NBEA: variants seen among roughly 807,000 people sequenced by gnomAD.
NBEA encodes the protein lysosomal-trafficking regulator 2.
In NBEA, 44 loss-of-function variants were observed where a neutral mutation model predicts 343.4. The observed-to-expected ratio is 0.13, with a 90% CI of 0.10 to 0.16. The LOEUF (loss-of-function observed/expected upper bound fraction) is 0.16, where lower values mean the gene tolerates loss of function less well. NBEA is among the 10% of genes least tolerant of loss of function. The pLI, the probability that NBEA is intolerant of heterozygous loss-of-function variation, is 1.00. For missense variants in NBEA, 2,555 were observed against 3,631.3 expected (o/e 0.70, Z 7.62); for synonymous variants, 1,175 against 1,238.7 (o/e 0.95, Z 1.08).
At chr13:35,388,864 A>G (rs756244157) in intron 38 of NBEA, among the ~76,000 whole-genome samples, 1 of 152,110 alleles carries the variant, frequency 6.6e-6, no homozygotes, top group Non-Finnish European at 1.5e-5. Context: ...TCATAATTCT[A>G]TTTATTCCCA....
At chr13:35,000,259 A>G (rs938923203) in intron 1 of NBEA, among the ~76,000 whole-genome samples, 4 of 152,146 alleles carry the variant, frequency 2.6e-5, no homozygotes, top group Non-Finnish European at 5.9e-5. Flanking sequence ...TACAGGATGT[A>G]ATGATGCACA....
At chr13:35,530,843 A>G (rs1261824981) in intron 41 of NBEA, among the ~76,000 whole-genome samples, 1 of 152,248 alleles carries the variant, frequency 6.6e-6, no homozygotes, top group East Asian at 1.9e-4. Context: ...ACATGAAAAC[A>G]TAGGATCATT....
chr13:35,066,824 G>A (rs76468073), intron 8 of NBEA, among the ~76,000 whole-genome samples: 209 of 151,894 alleles, frequency 1.4e-3, no homozygotes, highest in African/African-American at 5.0e-3. Context: ...TGTTAGCTAT[G>A]TGTCTCATGT....
intron 34 of NBEA, among the ~76,000 whole-genome samples, chr13:35,248,394 A>G (rs1361675338): frequency 6.6e-6 from 1 of 152,184 alleles, no homozygotes; most frequent in Non-Finnish European, 1.5e-5. Flanking sequence ...GTGGGGAAAA[A>G]AAGCCCTCTT....
intron 34 of NBEA, among the ~76,000 whole-genome samples, chr13:35,249,806 G>C (rs942062062): frequency 6.6e-6 from 1 of 152,142 alleles, no homozygotes; most frequent in East Asian, 1.9e-4. Flanking sequence ...TTAACAAATG[G>C]TCAAGTCGTG....
chr13:35,010,748 ATATATAT>A (rs2061466478), intron 1 of NBEA, among the ~76,000 whole-genome samples: 1 of 12,400 alleles, frequency 8.1e-5, no homozygotes, highest in Non-Finnish European at 1.4e-4. Flanking sequence ...AAAAATATAT[ATATATAT>A]ATATATATAT....
intron 48 of NBEA, among the ~76,000 whole-genome samples, chr13:35,625,568 T>C (rs1321854221): frequency 6.6e-6 from 1 of 152,020 alleles, no homozygotes; most frequent in African/African-American, 2.4e-5. Flanking sequence ...GAGGTTGTAG[T>C]GAGCTGAGAT....
intron 41 of NBEA, among the ~76,000 whole-genome samples, chr13:35,543,962 T>C (rs75111350): frequency 0.062 from 9,476 of 152,232 alleles, 310 homozygotes; most frequent in South Asian, 0.094. Context: ...ATCTTCTCCA[T>C]TCAGCTGACA....
In NBEA at chr13:35,137,406, C is replaced by A. The variant is rs564446030; in HGVS notation, c.2337-4863C>A. On this transcript the variant is annotated intron_variant, in intron 17 of 58. Coordinates refer to ENST00000379939, the MANE Select transcript of NBEA (RefSeq NM_001385012.1). ...CGGAGCTTGCAGTAAGCCAAGATCACGCCACTGCACTCCAGCCTGGGCGAC... is the reference window on the plus strand; with the variant it reads ...CGGAGCTTGCAGTAAGCCAAGATCAAGCCACTGCACTCCAGCCTGGGCGAC... Among the ~76,000 whole-genome samples, 14 of 151,250 alleles carry A rather than the reference C, an allele frequency of 9.3e-5. No homozygotes were observed. The South Asian group carries it at 2.9e-3, about 32-fold the overall frequency.
chr13:35,369,944 C>T (rs139288261), intron 38 of NBEA, among the ~76,000 whole-genome samples: 281 of 151,968 alleles, frequency 1.8e-3, no homozygotes, highest in African/African-American at 6.0e-3. Context: ...TGTGTCATAA[C>T]ATATAGTCAG....
At chr13:34,968,744 TATG>T (rs1240817849) in intron 1 of NBEA, among the ~76,000 whole-genome samples, 6 of 152,170 alleles carry the variant, frequency 3.9e-5, no homozygotes, top group East Asian at 1.9e-4. Flanking sequence ...TTTTTGCTGA[TATG>T]ATACTATTTT....
intron 37 of NBEA, among the ~76,000 whole-genome samples, chr13:35,351,337 AGTTTTCTGT>A (rs2040188984): frequency 6.6e-6 from 1 of 151,968 alleles, no homozygotes; most frequent in Non-Finnish European, 1.5e-5. Flanking sequence ...TATTTATTGT[AGTTTTCTGT>A]ATAAAAACTA....
intron 38 of NBEA, among the ~76,000 whole-genome samples, chr13:35,416,731 T>C (rs1490107895): frequency 6.6e-6 from 1 of 152,200 alleles, no homozygotes; most frequent in Non-Finnish European, 1.5e-5. Context: ...GGCTTTAGTA[T>C]CAGGATGATG....
chr13:35,157,409 A>G (rs1185600216), intron 21 of NBEA, 139 bp downstream of exon 21: 2 of 642,606 alleles, frequency 3.1e-6, no homozygotes, highest in Non-Finnish European at 4.7e-6. Flanking sequence ...TTTTTCCCTC[A>G]TTGTTCATAG....
At chr13:35,423,171 T>C (rs2044409466) in intron 38 of NBEA, among the ~76,000 whole-genome samples, 1 of 152,204 alleles carries the variant, frequency 6.6e-6, no homozygotes, top group Admixed American at 6.5e-5. Flanking sequence ...CATTTGTCAA[T>C]TTTGGCTTTT....
In NBEA at chr13:35,015,127, G is replaced by GAAAAAAA. The variant is rs771271035; in HGVS notation, c.295-25800_295-25794dup. ...TTCTCAACAAAAAGCAACGAGATCT[G>GAAAAAAA]AAAAAAAAAAAACAAACAAAAAAAA... On this transcript the variant is annotated intron_variant, in intron 1 of 58. Coordinates refer to ENST00000379939, the MANE Select transcript of NBEA (RefSeq NM_001385012.1). Among the ~76,000 whole-genome samples the GAAAAAAA allele has an allele frequency of 1.3e-3, 24 of 18,322 alleles. 6 individuals carry two copies. The highest frequency in any genetic ancestry group is 4.0e-3 in the East Asian group (2 of 496). The allele number at this position is 18,322 out of a possible 152,430, so 12.0% of individuals were successfully genotyped here.
intron 34 of NBEA, among the ~76,000 whole-genome samples, chr13:35,238,608 C>T (rs1004384837): frequency 6.6e-6 from 1 of 152,136 alleles, no homozygotes; most frequent in African/African-American, 2.4e-5. Flanking sequence ...CTTTGTTCCT[C>T]CTGGGTTAGG....
At chr13:35,122,714 T>C (rs997998497) in intron 16 of NBEA, among the ~76,000 whole-genome samples, 4 of 152,102 alleles carry the variant, frequency 2.6e-5, no homozygotes, top group African/African-American at 2.4e-5. Context: ...GAACTTAAAG[T>C]ATATAAAACA....
intron 41 of NBEA, among the ~76,000 whole-genome samples, chr13:35,522,707 C>T (rs1009316413): frequency 1.3e-5 from 2 of 151,922 alleles, no homozygotes; most frequent in African/African-American, 4.8e-5. Flanking sequence ...CCTGTCAGAT[C>T]AGCGGCAGCA....
Sources: gnomAD v4.1 joint callset for allele counts (sites outside exome capture counted in the v4.1 genomes callset) on GRCh38, gnomAD v4.1.1 for gene constraint, MANE v1.5 for transcripts, NCBI Gene and HGNC (gene_info 2026-07-23, HGNC 2026-07-21) for gene names.